The following ITGA2 variants were observed in gnomAD, a reference collection of about 807,000 sequenced individuals.
ITGA2 encodes integrin alpha-2.
In ITGA2, 101 loss-of-function variants were observed where a neutral mutation model predicts 146.3. The ratio of observed to expected loss-of-function variants is 0.69; its 90% CI spans 0.59 to 0.81. ITGA2 has a LOEUF of 0.81. ITGA2 is among the 40% of genes least tolerant of loss of function. The pLI is 0.00. For missense variants in ITGA2, 1,281 were observed against 1,402.7 expected, an observed-to-expected ratio of 0.91 and a Z score of 1.39; for synonymous variants, 477 against 487.1, an observed-to-expected ratio of 0.98 and a Z score of 0.27.
intron 2 of ITGA2, among the ~76,000 whole-genome samples, chr5:53,040,828 C>A (rs1251147200): frequency 2.0e-5 from 3 of 152,162 alleles, no homozygotes; most frequent in African/African-American, 7.2e-5. Flanking sequence ...GCTAATACTT[C>A]AGGTTAAAAC....
chr5:53,005,505 C>T (rs1030465862), intron 1 of ITGA2, among the ~76,000 whole-genome samples: 4 of 150,416 alleles, frequency 2.7e-5, no homozygotes, highest in East Asian at 2.0e-4. Context: ...TGCTGGAACC[C>T]GGGAGGTGGA....
At chr5:53,075,034 AC>A in intron 21 of ITGA2, 26 bp from the exon 22 acceptor site, 1 of 1,497,436 alleles carries the variant, frequency 6.7e-7, no homozygotes, top group African/African-American at 1.4e-5. Flanking sequence ...AGCATCATAG[AC>A]TGAGAAATTT....
chr5:53,072,764 C>T lies in ITGA2; in HGVS notation c.2429+69C>T, dbSNP rs3212586. The T allele has an allele frequency of 0.085, 107,875 of 1,267,072 alleles. 5,233 individuals carry two copies. Among genetic ancestry groups the T allele is most frequent in the African/African-American group, 0.18 (12,244 of 66,982 alleles). The allele number at this position is 1,267,072 out of a possible 1,614,324, so 78.5% of individuals were successfully genotyped here. A position where few individuals can be genotyped will look rare whatever the true frequency, so the allele number is the denominator to read the frequency against. ...GACATACTAGATTACTTTATTCAAA[C>T]GAATGTTTATAGAGTTTTTCTACAA... On this transcript the variant is annotated intron_variant, in intron 19 of 29. Transcript: ENST00000296585.
chr5:53,017,503 T>C (rs976543231), intron 1 of ITGA2, among the ~76,000 whole-genome samples: 3 of 152,150 alleles, frequency 2.0e-5, no homozygotes, highest in Non-Finnish European at 2.9e-5. Flanking sequence ...AACACTCCGA[T>C]GGGGGAATGC....
At chr5:53,080,703 T>G in intron 25 of ITGA2, 82 bp downstream of exon 25, 1 of 1,020,132 alleles carries the variant, frequency 9.8e-7, no homozygotes, top group Non-Finnish European at 1.6e-6. Context: ...TGTCTGACAT[T>G]TTACAGATGG....
rs1300123988 is a variant in ITGA2 at position 53,080,565 on chromosome 5, C to T, written c.2983C>T (p.Gln995Ter). The change falls in exon 25 of 30, where the codon CAG becomes TAG. Residue 995 changes from glutamine (Q) to a stop codon, truncating the protein, a stop_gained. Coordinates refer to ENST00000296585, the MANE Select transcript of ITGA2 (RefSeq NM_002203.4). LOFTEE classifies it high-confidence loss of function. ...GGCAACTGTAATCATCCACATCCCT[C>T]AGTATACCAAAGAAAAGAACCCACT... ...SMATVIIHIP[Q>*]YTKEKNPLMY... is the part of the protein sequence containing the mutation. The T allele has an allele frequency of 3.7e-6, 6 of 1,613,700 alleles. No homozygotes were observed. The highest frequency in any genetic ancestry group is 5.1e-6 in the Non-Finnish European group (6 of 1,179,738).
intron 23 of ITGA2, among the ~76,000 whole-genome samples, chr5:53,076,232 C>A (rs150205730): frequency 6.6e-6 from 1 of 151,916 alleles, no homozygotes; most frequent in African/African-American, 2.4e-5. Context: ...GATCAATGAC[C>A]CCTGAATAGC....
chr5:53,029,889 A>G (rs1743140759), intron 2 of ITGA2, among the ~76,000 whole-genome samples: 1 of 152,246 alleles, frequency 6.6e-6, no homozygotes, highest in African/African-American at 2.4e-5. Flanking sequence ...TTGAGCTGAA[A>G]GGGAGCTTCA....
At chr5:53,078,317 A>C (rs1485362461) in intron 23 of ITGA2, among the ~76,000 whole-genome samples, 1 of 152,096 alleles carries the variant, frequency 6.6e-6, no homozygotes, top group Admixed American at 6.6e-5. Flanking sequence ...AATAATGAAC[A>C]CTGAAGGAGC....
chr5:53,072,607 T>C lies in ITGA2; in HGVS notation c.2347-6T>C, dbSNP rs1478113168. On this transcript the variant is annotated splice_polypyrimidine_tract_variant and splice_region_variant and intron_variant, in intron 18 of 29. Coordinates refer to ENST00000296585, the MANE Select transcript of ITGA2 (RefSeq NM_002203.4). ...AAATGTATGGATCTTTTTTCCTTTT[T>C]CGTAGATTCCTTTCCACAAAGACTG... 11 of 1,608,192 alleles carry C rather than the reference T, an allele frequency of 6.8e-6. No homozygotes were observed. The highest frequency in any genetic ancestry group is 8.5e-6 in the Non-Finnish European group (10 of 1,176,656).
chr5:53,057,911 T>C (rs1561130094), intron 9 of ITGA2, 114 bp from the exon 10 acceptor site: 5 of 747,824 alleles, frequency 6.7e-6, no homozygotes, highest in Non-Finnish European at 1.2e-5. Context: ...ATTGGAACAG[T>C]GTGTGTTTGT....
At chr5:52,990,869 A>C (rs1471702424) in intron 1 of ITGA2, among the ~76,000 whole-genome samples, 1 of 152,168 alleles carries the variant, frequency 6.6e-6, no homozygotes, top group Non-Finnish European at 1.5e-5. Context: ...ATTTCAGGTA[A>C]AGTTGTACTT....
At chr5:53,046,483 T>A (rs1261758777) in intron 4 of ITGA2, among the ~76,000 whole-genome samples, 1 of 151,982 alleles carries the variant, frequency 6.6e-6, no homozygotes, top group African/African-American at 2.4e-5. Context: ...TATTCCAAGG[T>A]CTTTACAATA....
At position 53,073,160 on chromosome 5, in the gene ITGA2, A is replaced by C. The variant is rs1432256164; in HGVS notation, c.2472A>C (p.Thr824=). 1 of 1,612,186 alleles carries C rather than the reference A, an allele frequency of 6.2e-7. No individual in the cohort carries two copies. Among genetic ancestry groups the C allele is most frequent in the Non-Finnish European group, 8.5e-7 (1 of 1,178,830 alleles). The change falls in exon 20 of 30, where the codon ACA becomes ACC. Residue 824 remains threonine, a synonymous_variant. Transcript: ENST00000296585. ...FIVSNQNKRL[T]FSVTLKNKRE... is the part of the protein sequence containing the mutation. ...TCAGCAACCAAAACAAAAGGTTAAC[A>C]TTTTCAGTAACGCTGAAAAATAAAA...
chr5:53,011,650 C>T (rs1742134510), intron 1 of ITGA2, among the ~76,000 whole-genome samples: 1 of 151,982 alleles, frequency 6.6e-6, no homozygotes, highest in African/African-American at 2.4e-5. Context: ...AATATTTTCC[C>T]CATTAAATAA....
chr5:52,994,162 A>G (rs1425688055), intron 1 of ITGA2, among the ~76,000 whole-genome samples: 2 of 152,214 alleles, frequency 1.3e-5, no homozygotes, highest in Non-Finnish European at 1.5e-5. Flanking sequence ...CTTATAAGGT[A>G]TCTACTTTAT....
At chr5:53,032,280 G>A (rs930735944) in intron 2 of ITGA2, among the ~76,000 whole-genome samples, 3 of 152,064 alleles carry the variant, frequency 2.0e-5, no homozygotes, top group Admixed American at 1.3e-4. Flanking sequence ...ATCCACAGAT[G>A]TGCCTATAGG....
At chr5:53,054,121 A>G (rs1225087579) in intron 7 of ITGA2, among the ~76,000 whole-genome samples, 5 of 152,190 alleles carry the variant, frequency 3.3e-5, no homozygotes, top group African/African-American at 1.2e-4. Flanking sequence ...TGATATGCTC[A>G]GTTTTATAAT....
rs779498139 is a variant in ITGA2 at position 53,086,989 on chromosome 5, A to C, written c.3296A>C (p.Glu1099Ala). The part of the protein sequence containing the change: ...FQTVQLTAAA[E>A]INTYNPEIYV... ...ACAGTACAGCTAACGGCAGCTGCAG[A>C]AATCAACACCTATAACCCTGAGATA... The change falls in exon 28 of 30, where the codon GAA (glutamate) becomes GCA (alanine). Residue 1099 changes from glutamate to alanine, a missense_variant. By Grantham distance (107) the Glu-to-Ala change is moderately radical. This residue lies in a region of ITGA2 where 475 missense variants were observed against 530.5 expected (regional missense o/e 0.90). Transcript: ENST00000296585. 3.1e-6 allele frequency: 5 copies of C among 1,613,964 alleles called. No homozygotes were observed. The highest frequency in any genetic ancestry group is 4.2e-6 in the Non-Finnish European group (5 of 1,179,898).
Sources: gnomAD v4.1 joint callset for allele counts (sites outside exome capture counted in the v4.1 genomes callset) on GRCh38, gnomAD v4.1.1 for gene constraint, gnomAD v4.1.1 regional missense constraint, MANE v1.5 for transcripts, NCBI Gene and HGNC (gene_info 2026-07-23, HGNC 2026-07-21) for gene names.